Variants in KDM5C observed in about 807,000 individuals in gnomAD.
KDM5C encodes the protein lysine-specific demethylase 5C.
A neutral mutation model predicts 110.6 loss-of-function variants in KDM5C; 16 were observed. The observed-to-expected ratio is 0.14, with a 90% CI of 0.10 to 0.22. The LOEUF (loss-of-function observed/expected upper bound fraction) is 0.22, where lower values mean the gene tolerates loss of function less well. Among genes scored for constraint, KDM5C ranks in the 10% least tolerant of loss-of-function variants. KDM5C has a pLI of 1.00. For missense variants in KDM5C, 681 were observed against 1,300.9 expected (o/e 0.52, Z 7.33); for synonymous variants, 511 against 520.4 (o/e 0.98, Z 0.24).
chrX:53,196,056 T>TA lies in KDM5C; in HGVS notation c.2982-3dup, dbSNP rs781879646. 3 of 1,211,409 alleles carry TA rather than the reference T, an allele frequency of 2.5e-6. No homozygotes were observed. Among genetic ancestry groups the TA allele is most frequent in the Non-Finnish European group, 3.4e-6 (3 of 895,131 alleles). On this transcript the variant is annotated splice_polypyrimidine_tract_variant and splice_region_variant and intron_variant, in intron 19 of 25. Coordinates refer to ENST00000375401, the MANE Select transcript of KDM5C (RefSeq NM_004187.5). Reference sequence around the variant, plus strand: ...AGTGTGGCTGGTGGATGCTTCTGCCTAAAGGTAAGGAAAAAAAGAACGCTC... The same window carrying TA: ...AGTGTGGCTGGTGGATGCTTCTGCCTAAAAGGTAAGGAAAAAAAGAACGCTC...
chrX:53,213,207 T>C (rs1556849852), intron 8 of KDM5C, among the ~76,000 whole-genome samples: 1 of 111,321 alleles, frequency 9.0e-6, no homozygotes, highest in Non-Finnish European at 1.9e-5. Context: ...AAAATAAATG[T>C]CCGTCTGGTC....
chrX:53,178,961 G>A (rs782664421), intron 25 of KDM5C, among the ~76,000 whole-genome samples: 3 of 111,550 alleles, frequency 2.7e-5, no homozygotes, highest in African/African-American at 9.8e-5. Flanking sequence ...AAATCCGGGG[G>A]TGGTGGCTCA....
At position 53,208,416 on chromosome X, in the gene KDM5C, CATATAT is replaced by C. The variant is rs66504974; in HGVS notation, c.1746+1992_1746+1997del. Among the ~76,000 whole-genome samples the C allele has an allele frequency of 6.9e-3, 588 of 85,131 alleles. 3 individuals are homozygous for C. The highest frequency in any genetic ancestry group is 0.013 in the East Asian group (34 of 2,593). 73.9% of individuals were successfully genotyped at this position (85,131 alleles called of 115,157 possible). A position where few individuals can be genotyped will look rare whatever the true frequency, so the allele number is the denominator to read the frequency against. On this transcript the variant is annotated intron_variant, in intron 12 of 25. Coordinates refer to ENST00000375401, the MANE Select transcript of KDM5C (RefSeq NM_004187.5). Reference sequence around the variant, plus strand: ...GTATATATACATATATATACACATACATATATATATATATATATATATATATACACA... The same window carrying C: ...GTATATATACATATATATACACATACATATATATATATATATATATACACA...
intron 25 of KDM5C, among the ~76,000 whole-genome samples, chrX:53,181,343 G>A (rs1934042104): frequency 9.1e-6 from 1 of 110,063 alleles, no homozygotes; most frequent in South Asian, 3.9e-4. Flanking sequence ...CTAGGAATAG[G>A]AACATCAGGA....
At chrX:53,208,168 T>C (rs2146900879) in intron 12 of KDM5C, among the ~76,000 whole-genome samples, 1 of 107,163 alleles carries the variant, frequency 9.3e-6, no homozygotes, top group South Asian at 4.1e-4. Flanking sequence ...ATTAAGGGGA[T>C]ACTGCCAAGT....
In KDM5C at chrX:53,192,750, G is replaced by A. The variant is rs1013651789; in HGVS notation, c.*217C>T. 7 of 1,159,286 alleles carry A rather than the reference G, an allele frequency of 6.0e-6. No homozygotes were observed. In the Admixed American group the frequency reaches 1.3e-4, roughly 22 times the overall value. On this transcript the variant is annotated 3_prime_UTR_variant, in exon 26 of 26. Coordinates refer to ENST00000375401, the MANE Select transcript of KDM5C (RefSeq NM_004187.5). ...TGGGAATGCTGGTTAGAGGCTACCA[G>A]GGAGGGAAGACTCCAGGGGCCGGCC...
chrX:53,179,467 C>T (rs1458042018), intron 25 of KDM5C, among the ~76,000 whole-genome samples: 1 of 110,698 alleles, frequency 9.0e-6, no homozygotes, highest in African/African-American at 3.3e-5. Context: ...AAAGGAACAT[C>T]CCGATTTAAA....
chrX:53,190,523 T>C (rs782239208), downstream of KDM5C, among the ~76,000 whole-genome samples: 10 of 111,977 alleles, frequency 8.9e-5, no homozygotes, highest in Non-Finnish European at 1.9e-4. Context: ...ATTGAGCCCC[T>C]TCCTGCCCAT....
At chrX:53,190,316 T>G (rs782081442), downstream of KDM5C, among the ~76,000 whole-genome samples, 9 of 112,518 alleles carry the variant, frequency 8.0e-5, no homozygotes, top group African/African-American at 2.9e-4. Flanking sequence ...GTGTGAGGGA[T>G]GGGACACAGA....
At chrX:53,190,449 C>A (rs1404298171), downstream of KDM5C, among the ~76,000 whole-genome samples, 3 of 112,554 alleles carry the variant, frequency 2.7e-5, no homozygotes, top group Non-Finnish European at 5.6e-5. Flanking sequence ...GGCACCATCT[C>A]TTCCTCTCCT....
intron 25 of KDM5C, among the ~76,000 whole-genome samples, chrX:53,179,785 A>C (rs1415895617): frequency 2.7e-5 from 3 of 112,009 alleles, no homozygotes; most frequent in African/African-American, 9.7e-5. Context: ...ACAATACCAA[A>C]TGCTGATGAG....
intron 18 of KDM5C, 41 bp from the exon 19 acceptor site, chrX:53,197,085 C>A: frequency 9.7e-7 from 1 of 1,033,279 alleles, no homozygotes; most frequent in Non-Finnish European, 1.3e-6. Context: ...CTCAGCTGGG[C>A]CCACTGAGGG....
At chrX:53,202,123 G>A (rs1346523838) in intron 12 of KDM5C, 150 bp from the exon 13 acceptor site, 2 of 627,935 alleles carry the variant, frequency 3.2e-6, no homozygotes, top group African/African-American at 2.2e-5. Context: ...CTGAAAGGAA[G>A]GACCACTGGT....
intron 12 of KDM5C, 53 bp from the exon 13 acceptor site, chrX:53,202,026 G>C: frequency 8.3e-7 from 1 of 1,198,942 alleles, no homozygotes; most frequent in Non-Finnish European, 1.1e-6. Context: ...CCTGTATACA[G>C]ACCTGACTTA....
At position 53,224,920 on chromosome X, in the gene KDM5C, G is replaced by T. The variant is rs782100527; in HGVS notation, c.-31C>A. The T allele has an allele frequency of 1.7e-6, 2 of 1,189,872 alleles. No homozygotes were observed. Among genetic ancestry groups the T allele is most frequent in the Admixed American group, 2.2e-5 (1 of 44,448 alleles). ...GCCCGAGGTCTGGGCCAGGGATCGG[G>T]AGGCTTGGACCGCCCTTAAGGACTC... On this transcript the variant is annotated 5_prime_UTR_variant, in exon 1 of 26. Coordinates refer to ENST00000375401, the MANE Select transcript of KDM5C (RefSeq NM_004187.5).
chrX:53,218,276 T>C lies in KDM5C; in HGVS notation c.351A>G (p.Lys117=). The change falls in exon 3 of 26, where the codon AAA becomes AAG. Residue 117 remains lysine (K), a splice_region_variant and synonymous_variant. Transcript: ENST00000375401. The part of the protein sequence containing the change: ...RRILDLYSLS[K]IVVEEGGYEA... ...GTGCTTGACAAAAACCTGTTCTTAC[T>C]TTGCTGAGACTGTAGAGGTCCAAGA... 1 of 1,211,601 alleles carries C rather than the reference T, an allele frequency of 8.3e-7. No homozygotes were observed.
chrX:53,210,139 T>C (rs2073515420), intron 12 of KDM5C, among the ~76,000 whole-genome samples: 1 of 112,297 alleles, frequency 8.9e-6, no homozygotes. Context: ...CTTCCCCACT[T>C]CCCTCTTCCA....
intron 25 of KDM5C, among the ~76,000 whole-genome samples, chrX:53,180,263 C>T (rs973186404): frequency 9.0e-6 from 1 of 110,881 alleles, no homozygotes; most frequent in Non-Finnish European, 1.9e-5. Flanking sequence ...TCAGAGGTTG[C>T]TAGGAGTTAT....
intron 18 of KDM5C, 98 bp downstream of exon 18, chrX:53,197,673 G>C (rs782632896): frequency 2.6e-5 from 17 of 666,327 alleles, no homozygotes; most frequent in Non-Finnish European, 4.0e-5. Context: ...GTCCTGTCTT[G>C]CCTGAACACT....
Sources: gnomAD v4.1 joint callset for allele counts (sites outside exome capture counted in the v4.1 genomes callset) on GRCh38, gnomAD v4.1.1 for gene constraint, MANE v1.5 for transcripts, NCBI Gene and HGNC (gene_info 2026-07-23, HGNC 2026-07-21) for gene names.